The following GALNT13 variants were observed in gnomAD, a reference collection of about 807,000 sequenced individuals.
The protein encoded by GALNT13 is polypeptide N-acetylgalactosaminyltransferase 13.
Under a neutral mutation model 64.2 loss-of-function variants are expected in GALNT13, and 28 were observed. The ratio of observed to expected loss-of-function variants is 0.44; its 90% CI spans 0.32 to 0.60. The LOEUF (loss-of-function observed/expected upper bound fraction) is 0.60. Among genes scored for constraint, GALNT13 ranks in the 20% least tolerant of loss-of-function variants. GALNT13 has a pLI of 0.05. For missense variants in GALNT13, 577 were observed against 669.8 expected, an observed-to-expected ratio of 0.86 and a Z score of 1.53; for synonymous variants, 214 against 224.6, an observed-to-expected ratio of 0.95 and a Z score of 0.42.
chr2:153,363,457 GA>G, the GALNT13 span, among the ~76,000 whole-genome samples: 5 of 151,756 alleles, frequency 3.3e-5, no homozygotes, highest in African/African-American at 1.2e-4. Flanking sequence ...CTGGTTTTTT[GA>G]AAAAATTAAC....
intron 4 of GALNT13, among the ~76,000 whole-genome samples, chr2:154,154,797 G>C (rs1052325916): frequency 5.3e-5 from 8 of 152,060 alleles, no homozygotes; most frequent in Admixed American, 1.3e-4. Flanking sequence ...GGAACTGTAA[G>C]TAAAAATTAT....
the GALNT13 span, among the ~76,000 whole-genome samples, chr2:153,248,622 G>C: frequency 6.6e-6 from 1 of 151,648 alleles, no homozygotes; most frequent in South Asian, 2.1e-4. Context: ...GACCATCCTG[G>C]CTAACACGGT....
chr2:153,873,968 A>G (rs991931736), intron 1 of GALNT13, among the ~76,000 whole-genome samples: 2 of 151,806 alleles, frequency 1.3e-5, no homozygotes, highest in African/African-American at 4.8e-5. Context: ...CCTATTGGTT[A>G]TTTACTTTTG....
chr2:154,204,969 G>C (rs1162254910), intron 4 of GALNT13, among the ~76,000 whole-genome samples: 1 of 152,184 alleles, frequency 6.6e-6, no homozygotes, highest in Non-Finnish European at 1.5e-5. Flanking sequence ...GGCTAACATA[G>C]TGTGCTCAGC....
At position 154,306,160 on chromosome 2, in the gene GALNT13, A is replaced by C. The variant is rs1290113891; in HGVS notation, c.1156+4571A>C. The stretch of plus-strand genomic sequence containing the variant: ...AATCTCTTTTATTATTATTATTATT[A>C]TTATTTTATACTTTGAGTTCTGGGA... On this transcript the variant is annotated intron_variant, in intron 9 of 12. Coordinates refer to ENST00000392825, the MANE Select transcript of GALNT13 (RefSeq NM_052917.4). 2.0e-5 allele frequency among the ~76,000 whole-genome samples: 3 copies of C among 151,992 alleles called. No individual in the cohort carries two copies. The East Asian group carries it at 5.8e-4, about 29-fold the overall frequency.
chr2:153,144,817 C>T, the GALNT13 span, among the ~76,000 whole-genome samples: 4 of 151,646 alleles, frequency 2.6e-5, no homozygotes, highest in Non-Finnish European at 4.4e-5. Context: ...AGTTTCTTGC[C>T]GAGTTAAGAA....
chr2:153,875,736 A>G (rs1159283451), intron 1 of GALNT13, among the ~76,000 whole-genome samples: 4 of 152,222 alleles, frequency 2.6e-5, no homozygotes, highest in African/African-American at 4.8e-5. Flanking sequence ...GCTTGAGAAT[A>G]AAGTAGGAAT....
At chr2:153,279,170 G>A in the GALNT13 span, among the ~76,000 whole-genome samples, 1 of 151,966 alleles carries the variant, frequency 6.6e-6, no homozygotes, top group African/African-American at 2.4e-5. Context: ...GAATGTTATT[G>A]GTGTATAGAA....
At chr2:153,478,575 G>T in the GALNT13 span, 25 of 1,546,912 alleles carry the variant, frequency 1.6e-5, no homozygotes, top group Admixed American at 2.0e-5. Flanking sequence ...TCGCAGGAAC[G>T]GGCGGGCGCC....
intron 4 of GALNT13, among the ~76,000 whole-genome samples, chr2:154,238,167 T>C (rs913845154): frequency 1.3e-5 from 2 of 151,998 alleles, no homozygotes; most frequent in African/African-American, 4.8e-5. Flanking sequence ...GACTTTATAG[T>C]ACCAAGGAAG....
chr2:154,287,499 C>T, intron 8 of GALNT13: 2 of 295,260 alleles, frequency 6.8e-6, no homozygotes, highest in South Asian at 3.9e-5. Flanking sequence ...CTTCCTTTTG[C>T]CCCCACCCCA....
intron 3 of GALNT13, among the ~76,000 whole-genome samples, chr2:154,004,850 T>C (rs113528775): frequency 6.6e-6 from 1 of 152,200 alleles, no homozygotes; most frequent in African/African-American, 2.4e-5. Context: ...CAAATACACA[T>C]ACCAGGTAGA....
chr2:153,371,609 G>A, the GALNT13 span, among the ~76,000 whole-genome samples: 2 of 152,114 alleles, frequency 1.3e-5, no homozygotes, highest in Non-Finnish European at 2.9e-5. Flanking sequence ...TGTTGTATCT[G>A]TATGAAAACT....
At chr2:153,499,980 C>T in the GALNT13 span, among the ~76,000 whole-genome samples, 32 of 152,240 alleles carry the variant, frequency 2.1e-4, no homozygotes, top group Admixed American at 2.0e-3. Flanking sequence ...GCTGCTTGTT[C>T]CCACCAGCTC....
the GALNT13 span, chr2:153,478,167 G>C: frequency 7.7e-7 from 1 of 1,293,650 alleles, no homozygotes; most frequent in East Asian, 2.4e-5. Context: ...GTCTCTGATA[G>C]TGAGGGGCAC....
intron 8 of GALNT13, among the ~76,000 whole-genome samples, chr2:154,282,734 G>A (rs1438576932): frequency 6.6e-6 from 1 of 151,962 alleles, no homozygotes; most frequent in Non-Finnish European, 1.5e-5. Context: ...ATCAAGTATT[G>A]GAAAGAATCC....
At chr2:154,130,745 CTCTTT>C (rs1410486233) in intron 3 of GALNT13, among the ~76,000 whole-genome samples, 3 of 152,172 alleles carry the variant, frequency 2.0e-5, no homozygotes, top group Admixed American at 2.0e-4. Flanking sequence ...GAATGCAGTA[CTCTTT>C]TCTTTATGAC....
chr2:153,999,676 G>A (rs543788930), intron 3 of GALNT13, among the ~76,000 whole-genome samples: 6 of 151,982 alleles, frequency 3.9e-5, no homozygotes, highest in East Asian at 1.9e-4. Flanking sequence ...CCACTTAATC[G>A]TGGAGTATAT....
At chr2:153,928,450 A>G (rs1329821380) in intron 2 of GALNT13, among the ~76,000 whole-genome samples, 2 of 152,130 alleles carry the variant, frequency 1.3e-5, no homozygotes, top group Admixed American at 6.6e-5. Flanking sequence ...TCTACTGGGA[A>G]CTGTCTAAAT....
Sources: allele counts gnomAD v4.1 joint callset (sites outside exome capture counted in the v4.1 genomes callset), GRCh38; gene constraint gnomAD v4.1.1; transcripts MANE v1.5; gene names NCBI Gene and HGNC (gene_info 2026-07-23, HGNC 2026-07-21).